Variants in LNX1 observed in about 807,000 individuals in gnomAD.
LNX1 encodes ligand of numb-protein X 1, also known as E3 ubiquitin-protein ligase LNX.
A neutral mutation model predicts 68.4 loss-of-function variants in LNX1; 54 were observed. That is an observed-to-expected ratio of 0.79 (90% CI 0.63 to 0.99). The LOEUF (loss-of-function observed/expected upper bound fraction) is 0.99. Ranked by LOEUF, LNX1 falls within the 50% of genes least tolerant of loss-of-function variation. LNX1 has a pLI of 0.00. For synonymous variants in LNX1, 336 were observed against 350.0 expected, an observed-to-expected ratio of 0.96 and a Z score of 0.45; for missense variants, 906 against 926.4, an observed-to-expected ratio of 0.98 and a Z score of 0.29.
chr4:53,568,300 G>A (rs1179434376), intron 2 of LNX1, among the ~76,000 whole-genome samples: 1 of 151,494 alleles, frequency 6.6e-6, no homozygotes. Flanking sequence ...TATCCACCAT[G>A]ATCAAGTGGG....
intron 2 of LNX1, among the ~76,000 whole-genome samples, chr4:53,543,280 T>C (rs1347066430): frequency 6.6e-6 from 1 of 152,246 alleles, no homozygotes; most frequent in Non-Finnish European, 1.5e-5. Flanking sequence ...TCTCCTTACC[T>C]GCTTTATTTA....
intron 9 of LNX1, among the ~76,000 whole-genome samples, chr4:53,472,703 A>AAAC (rs1723307058): frequency 7.6e-6 from 1 of 131,584 alleles, no homozygotes; most frequent in South Asian, 2.3e-4. Flanking sequence ...AAAAAAACAA[A>AAAC]AAACAATGGG....
intron 2 of LNX1, among the ~76,000 whole-genome samples, chr4:53,552,340 C>G (rs1729570713): frequency 1.3e-5 from 2 of 152,164 alleles, no homozygotes; most frequent in African/African-American, 4.8e-5. Flanking sequence ...GTCACACCAT[C>G]AGAATATGGC....
At chr4:53,548,487 G>A (rs1004612934) in intron 2 of LNX1, among the ~76,000 whole-genome samples, 1 of 152,140 alleles carries the variant, frequency 6.6e-6, no homozygotes, top group African/African-American at 2.4e-5. Context: ...ATAGGTCTGT[G>A]ATCAAGAAGT....
At chr4:53,470,889 A>G (rs547611317) in intron 9 of LNX1, among the ~76,000 whole-genome samples, 1 of 152,212 alleles carries the variant, frequency 6.6e-6, no homozygotes, top group Non-Finnish European at 1.5e-5. Context: ...AGGAAGAATC[A>G]ATTATCATGA....
intron 1 of LNX1, among the ~76,000 whole-genome samples, chr4:53,590,991 ACT>A (rs1732474282): frequency 6.6e-6 from 1 of 152,032 alleles, no homozygotes; most frequent in Non-Finnish European, 1.5e-5. Flanking sequence ...AAAAATAAGA[ACT>A]CTGAATCCAG....
intron 2 of LNX1, among the ~76,000 whole-genome samples, chr4:53,516,018 G>A (rs1444964144): frequency 6.6e-6 from 1 of 152,144 alleles, no homozygotes; most frequent in Non-Finnish European, 1.5e-5. Flanking sequence ...TGATAGGCTG[G>A]GGTGGAAAGA....
intron 2 of LNX1, chr4:53,539,383 T>C (rs1394586786): frequency 4.1e-5 from 2 of 48,822 alleles, no homozygotes; most frequent in African/African-American, 1.1e-4. Flanking sequence ...GTTTAATTTT[T>C]GAGACCTGTC....
chr4:53,518,260 T>G (rs1726945120), intron 2 of LNX1, among the ~76,000 whole-genome samples: 1 of 152,188 alleles, frequency 6.6e-6, no homozygotes, highest in Non-Finnish European at 1.5e-5. Flanking sequence ...TTACCAAAGA[T>G]GCTGACATGT....
intron 6 of LNX1, among the ~76,000 whole-genome samples, chr4:53,487,077 G>A (rs1408822269): frequency 6.6e-6 from 1 of 152,060 alleles, no homozygotes; most frequent in African/African-American, 2.4e-5. Flanking sequence ...AATCCACTAT[G>A]GCTGATGAAA....
intron 1 of LNX1, among the ~76,000 whole-genome samples, chr4:53,643,229 C>T (rs187727286): frequency 5.9e-5 from 9 of 152,172 alleles, no homozygotes; most frequent in African/African-American, 9.6e-5. Context: ...TGGCTCACTG[C>T]AGCCTCAAAT....
chr4:53,643,557 G>A (rs1175083323), intron 1 of LNX1, among the ~76,000 whole-genome samples: 2 of 152,178 alleles, frequency 1.3e-5, no homozygotes, highest in African/African-American at 4.8e-5. Context: ...AGAAGGCTGT[G>A]ATATAGACAC....
At chr4:53,612,892 T>TA (rs1379091866) in intron 2 of LNX1, among the ~76,000 whole-genome samples, 1 of 151,402 alleles carries the variant, frequency 6.6e-6, no homozygotes, top group Non-Finnish European at 1.5e-5. Context: ...TTCAAAAAAA[T>TA]AAAAAAGAAG....
Position 53,651,562 on chromosome 4 carries a change from C to A in LNX1, c.-215+606G>T, listed in dbSNP as rs545409554. Among the ~76,000 whole-genome samples the A allele has an allele frequency of 1.3e-4, 20 of 152,192 alleles. No individual in the cohort carries two copies. In the South Asian group the frequency reaches 2.3e-3, roughly 17 times the overall value. On this transcript the variant is annotated intron_variant, in intron 1 of 2. Coordinates refer to the LNX1 transcript ENST00000507168. The stretch of plus-strand genomic sequence containing the variant: ...TCAGAACATTTGTCAGAATACGTGG[C>A]CAAGAATGTACTCTGGAATTTTGTT...
chr4:53,495,893 T>A (rs755194220), intron 6 of LNX1, 130 bp downstream of exon 6: 117 of 1,140,762 alleles, frequency 1.0e-4, no homozygotes, highest in Middle Eastern at 6.1e-4. Flanking sequence ...GGTCTTTCCA[T>A]CCTGACTCCT....
chr4:53,592,807 C>G (rs570966562), upstream of LNX1: 1 of 152,400 alleles, frequency 6.6e-6, no homozygotes, highest in South Asian at 2.1e-4. Flanking sequence ...ATTCCCACAG[C>G]CTGGGCCTCA....
intron 1 of LNX1, among the ~76,000 whole-genome samples, chr4:53,641,701 C>T (rs1194832318): frequency 6.6e-6 from 1 of 152,182 alleles, no homozygotes; most frequent in Non-Finnish European, 1.5e-5. Flanking sequence ...CACCAGGTCC[C>T]CAGGCAAGTA....
intron 9 of LNX1, among the ~76,000 whole-genome samples, chr4:53,466,608 C>T (rs775432639): frequency 2.2e-4 from 33 of 152,296 alleles, no homozygotes; most frequent in African/African-American, 4.6e-4. Context: ...GGGTGACAGA[C>T]GGCACCTGGA....
At chr4:53,528,143 C>G (rs1189570491) in intron 2 of LNX1, among the ~76,000 whole-genome samples, 2 of 152,184 alleles carry the variant, frequency 1.3e-5, no homozygotes, top group African/African-American at 4.8e-5. Flanking sequence ...CGTATTTTCC[C>G]TTTGAAAACT....
Sources: allele counts gnomAD v4.1 joint callset (sites outside exome capture counted in the v4.1 genomes callset), GRCh38; gene constraint gnomAD v4.1.1; transcripts MANE v1.5; gene names NCBI Gene and HGNC (gene_info 2026-07-23, HGNC 2026-07-21).